The following NTNG1 variants were observed in gnomAD, a reference collection of about 807,000 sequenced individuals.
NTNG1 encodes the protein netrin-G1.
Under a neutral mutation model 54.0 loss-of-function variants are expected in NTNG1, and 16 were observed. The observed-to-expected ratio is 0.30, with a 90% CI of 0.20 to 0.45. The LOEUF is 0.45. Among genes scored for constraint, NTNG1 ranks in the 20% least tolerant of loss-of-function variants. The pLI, the probability that NTNG1 is intolerant of heterozygous loss-of-function variation, is 1.00. For synonymous variants in NTNG1, 255 were observed against 263.1 expected, an observed-to-expected ratio of 0.97 and a Z score of 0.30; for missense variants, 530 against 678.7, an observed-to-expected ratio of 0.78 and a Z score of 2.43.
In NTNG1 at chr1:107,271,470, A is replaced by C. The variant is rs1011617188; in HGVS notation, c.247-52812A>C. Among the ~76,000 whole-genome samples, 5 of 152,170 alleles carry C rather than the reference A, an allele frequency of 3.3e-5. No individual in the cohort carries two copies. In the East Asian group the frequency reaches 7.7e-4, roughly 23 times the overall value. ...TCAGCTTATAAATAATTAATTCCCT[A>C]TACTCAGAAGTTGTATTTAAAACAA... On this transcript the variant is annotated intron_variant, in intron 2 of 7. Transcript: ENST00000370068.
intron 3 of NTNG1, among the ~76,000 whole-genome samples, chr1:107,348,624 G>A (rs1669412183): frequency 6.6e-6 from 1 of 152,090 alleles, no homozygotes; most frequent in Non-Finnish European, 1.5e-5. Context: ...TTGTCCCCCT[G>A]ATGACAATGG....
At chr1:107,247,284 C>G (rs893464262) in intron 2 of NTNG1, among the ~76,000 whole-genome samples, 6 of 152,106 alleles carry the variant, frequency 3.9e-5, no homozygotes, top group Admixed American at 3.9e-4. Flanking sequence ...CTTTGTGTTT[C>G]TATCTCTTTC....
rs920224847 is a variant in NTNG1 at position 107,481,746 on chromosome 1, A to C, written c.*906A>C. 1 of 152,656 alleles carries C rather than the reference A, an allele frequency of 6.6e-6. No individual in the cohort carries two copies. Among genetic ancestry groups the C allele is most frequent in the Non-Finnish European group, 1.5e-5 (1 of 68,046 alleles). 9.5% of individuals were successfully genotyped at this position (152,656 alleles called of 1,614,324 possible). On this transcript the variant is annotated 3_prime_UTR_variant, in exon 8 of 8. Coordinates refer to ENST00000370068, the MANE Select transcript of NTNG1 (RefSeq NM_001113226.3). ...GAACGTGCTGGCATCAAAGAATATC[A>C]GTTTACATATATAACAAGTGTAATA...
At chr1:107,207,977 A>C (rs4244123) in intron 2 of NTNG1, among the ~76,000 whole-genome samples, 123,411 of 152,104 alleles carry the variant, frequency 0.81, 53,777 homozygotes, top group East Asian at 0.99. Flanking sequence ...AGGGACTCGT[A>C]CTCACAGAAG....
chr1:107,267,939 C>T (rs1019369839), intron 2 of NTNG1, among the ~76,000 whole-genome samples: 38 of 152,190 alleles, frequency 2.5e-4, no homozygotes, highest in Non-Finnish European at 5.3e-4. Flanking sequence ...TGCATTCAAA[C>T]TCTGCCCTTC....
chr1:107,220,070 G>A (rs1476409350), intron 2 of NTNG1, among the ~76,000 whole-genome samples: 1 of 152,168 alleles, frequency 6.6e-6, no homozygotes, highest in Non-Finnish European at 1.5e-5. Context: ...TGCCCAAGGA[G>A]TGTGGTTTCC....
At chr1:107,452,091 C>T (rs1676660304) in intron 7 of NTNG1, among the ~76,000 whole-genome samples, 1 of 152,164 alleles carries the variant, frequency 6.6e-6, no homozygotes, top group South Asian at 2.1e-4. Context: ...AATATTATTA[C>T]ACCTCATTGG....
intron 2 of NTNG1, among the ~76,000 whole-genome samples, chr1:107,159,822 A>T (rs1018621577): frequency 6.6e-6 from 1 of 152,208 alleles, no homozygotes; most frequent in Admixed American, 6.6e-5. Context: ...GAAAATACAT[A>T]TTACGTGATG....
At chr1:107,224,243 G>A (rs1236214058) in intron 2 of NTNG1, among the ~76,000 whole-genome samples, 3 of 152,164 alleles carry the variant, frequency 2.0e-5, no homozygotes, top group Non-Finnish European at 4.4e-5. Flanking sequence ...AGGTGCTCCA[G>A]TATGACTTAG....
At chr1:107,430,167 T>A (rs1280227829) in intron 5 of NTNG1, among the ~76,000 whole-genome samples, 1 of 152,186 alleles carries the variant, frequency 6.6e-6, no homozygotes, top group Non-Finnish European at 1.5e-5. Flanking sequence ...AAGAAAGCCA[T>A]CTTCTCTTAG....
intron 3 of NTNG1, among the ~76,000 whole-genome samples, chr1:107,385,794 TTTCTA>T (rs1381488522): frequency 2.0e-5 from 3 of 151,968 alleles, no homozygotes; most frequent in African/African-American, 7.2e-5. Flanking sequence ...TATCCACTGT[TTTCTA>T]TTCTATTTTG....
intron 7 of NTNG1, among the ~76,000 whole-genome samples, chr1:107,467,964 T>TAA (rs1677713900): frequency 6.6e-6 from 1 of 152,234 alleles, no homozygotes; most frequent in Admixed American, 6.5e-5. Flanking sequence ...CCAATTCATT[T>TAA]TGCCTTGACA....
At chr1:107,142,784 G>A (rs116235252) in intron 1 of NTNG1, among the ~76,000 whole-genome samples, 1,861 of 149,468 alleles carry the variant, frequency 0.012, 35 homozygotes, top group African/African-American at 0.043. Flanking sequence ...TTTTTTTTCA[G>A]GGGAGGCTTT....
chr1:107,291,436 A>G (rs1464498499), intron 2 of NTNG1, among the ~76,000 whole-genome samples: 2 of 152,098 alleles, frequency 1.3e-5, no homozygotes, highest in Admixed American at 1.3e-4. Flanking sequence ...AGGGGCTAGC[A>G]CCCCTAACCC....
chr1:107,432,923 C>G (rs1675360171), intron 6 of NTNG1, among the ~76,000 whole-genome samples: 1 of 152,052 alleles, frequency 6.6e-6, no homozygotes, highest in Admixed American at 6.6e-5. Context: ...CTGCTTCTTT[C>G]TATCCAGTTT....
intron 5 of NTNG1, among the ~76,000 whole-genome samples, chr1:107,425,124 C>A (rs931768141): frequency 1.3e-5 from 2 of 151,652 alleles, no homozygotes; most frequent in Admixed American, 1.3e-4. Context: ...TTCTAAATGG[C>A]TGGAGAAAAA....
chr1:107,204,908 G>C (rs995127892), intron 2 of NTNG1, among the ~76,000 whole-genome samples: 1 of 152,102 alleles, frequency 6.6e-6, no homozygotes, highest in African/African-American at 2.4e-5. Flanking sequence ...TTGAGAGCAG[G>C]TGATACGGGA....
chr1:107,141,869 A>G (rs1653751148), intron 1 of NTNG1, among the ~76,000 whole-genome samples: 2 of 152,146 alleles, frequency 1.3e-5, no homozygotes, highest in South Asian at 4.1e-4. Context: ...CGCCAATTAT[A>G]TTTGTTTGGG....
intron 2 of NTNG1, among the ~76,000 whole-genome samples, chr1:107,269,588 T>A (rs917061332): frequency 6.6e-6 from 1 of 152,212 alleles, no homozygotes; most frequent in Admixed American, 6.5e-5. Flanking sequence ...TAGAATAACA[T>A]CTGATACATG....
Sources: gnomAD v4.1 joint callset for allele counts (sites outside exome capture counted in the v4.1 genomes callset) on GRCh38, gnomAD v4.1.1 for gene constraint, MANE v1.5 for transcripts, NCBI Gene and HGNC (gene_info 2026-07-23, HGNC 2026-07-21) for gene names.